Variants in GVQW3 observed in about 807,000 individuals in gnomAD.
The protein encoded by GVQW3 is protein GVQW3.
Under a neutral mutation model 12.5 loss-of-function variants are expected in GVQW3, and 7 were observed. The observed-to-expected ratio is 0.56, with a 90% CI of 0.32 to 1.05. GVQW3 has a LOEUF of 1.05. GVQW3 is among the 50% of genes least tolerant of loss of function. The pLI is 0.04. For synonymous variants in GVQW3, 71 were observed against 67.2 expected, an observed-to-expected ratio of 1.06 and a Z score of -0.28; for missense variants, 188 against 190.8, an observed-to-expected ratio of 0.99 and a Z score of 0.09.
downstream of GVQW3, chr11:76,411,180 A>G (rs1003536290): frequency 1.3e-5 from 2 of 152,296 alleles, no homozygotes; most frequent in African/African-American, 4.8e-5. Context: ...GACATGACTA[A>G]TGAGGCTCCG....
downstream of GVQW3, chr11:76,412,191 C>T (rs1947084284): frequency 6.6e-6 from 1 of 152,162 alleles, no homozygotes; most frequent in African/African-American, 2.4e-5. Context: ...TTCTTGGCCA[C>T]CTTGAGAAGC....
At position 76,406,526 on chromosome 11, in the gene GVQW3, T is replaced by G. The variant is rs1227047675; in HGVS notation, c.*2768T>G. 2 of 152,248 alleles carry G rather than the reference T, an allele frequency of 1.3e-5. No homozygotes were observed. Among genetic ancestry groups the G allele is most frequent in the Non-Finnish European group, 2.9e-5 (2 of 68,044 alleles). The allele number at this position is 152,248 out of a possible 1,614,324, so 9.4% of individuals were successfully genotyped here. On this transcript the variant is annotated 3_prime_UTR_variant, in exon 2 of 2. Transcript: ENST00000529331. ...TTACTGTAATATTGCACCTCATTTC[T>G]GACCCCAAACCCAGCTGCAGCTTCT...
Position 76,387,434 on chromosome 11 carries a change from A to AG in GVQW3, c.465+5142dup, listed in dbSNP as rs546337288. Among the ~76,000 whole-genome samples, 208 of 152,314 alleles carry AG rather than the reference A, an allele frequency of 1.4e-3. 1 individual carries two copies. The highest frequency in any genetic ancestry group is 3.5e-3 in the South Asian group (17 of 4,822). On this transcript the variant is annotated intron_variant, in intron 1 of 1. Coordinates refer to ENST00000529331, the MANE Select transcript of GVQW3 (RefSeq NM_001347885.2). ...CAGAGGGAGACTCCATCTCAAAAAA[A>AG]GAAAGTTAGACATTCTTAGCTTTTA... is the stretch of plus-strand genomic sequence containing the variant.
At chr11:76,402,151 C>T (rs1946995701) in intron 1 of GVQW3, among the ~76,000 whole-genome samples, 1 of 152,210 alleles carries the variant, frequency 6.6e-6, no homozygotes, top group Non-Finnish European at 1.5e-5. Context: ...TCTGAGGTCC[C>T]TGTGTGTTGC....
chr11:76,414,269 C>G (rs1403196138), exon 2 of GVQW3: 1 of 152,126 alleles, frequency 6.6e-6, no homozygotes, highest in Non-Finnish European at 1.5e-5. Context: ...AGAGCTCAAC[C>G]TTTGTGGAAC....
At chr11:76,411,085 T>C (rs1397753899), downstream of GVQW3, 1 of 152,276 alleles carries the variant, frequency 6.6e-6, no homozygotes, top group Non-Finnish European at 1.5e-5. Context: ...CATACAGTAG[T>C]TCCTCAGCTG....
At chr11:76,393,641 C>T (rs1232194266) in intron 1 of GVQW3, among the ~76,000 whole-genome samples, 1 of 152,080 alleles carries the variant, frequency 6.6e-6, no homozygotes, top group African/African-American at 2.4e-5. Flanking sequence ...CTGTTCTCCC[C>T]CACCACCCAC....
At chr11:76,395,745 T>A (rs1946932814) in intron 1 of GVQW3, among the ~76,000 whole-genome samples, 1 of 152,266 alleles carries the variant, frequency 6.6e-6, no homozygotes, top group Admixed American at 6.5e-5. Context: ...TTTCTTTAGG[T>A]TATTGATCAC....
chr11:76,406,557 C>G lies in GVQW3; in HGVS notation c.*2799C>G, dbSNP rs1448809893. ...CAAACCCAGCTGCAGCTTCTCATCT[C>G]ACGAATTTCAAGTGACTTTTGACTA... On this transcript the variant is annotated 3_prime_UTR_variant, in exon 2 of 2. Transcript: ENST00000529331. 1 of 152,222 alleles carries G rather than the reference C, an allele frequency of 6.6e-6. No homozygotes were observed. The highest frequency in any genetic ancestry group is 1.5e-5 in the Non-Finnish European group (1 of 68,040). The allele number at this position is 152,222 out of a possible 1,614,324, so 9.4% of individuals were successfully genotyped here. A position where few individuals can be genotyped will look rare whatever the true frequency, so the allele number is the denominator to read the frequency against.
Position 76,406,006 on chromosome 11 carries a change from T to A in GVQW3, c.*2248T>A, listed in dbSNP as rs1947035965. On this transcript the variant is annotated 3_prime_UTR_variant, in exon 2 of 2. Coordinates refer to ENST00000529331, the MANE Select transcript of GVQW3 (RefSeq NM_001347885.2). ...ACTTTTTTTTGAGACAGGCTCTCCC[T>A]ATGTCACCGAGGCTACAGTGCAGTG... The A allele has an allele frequency of 6.6e-6, 1 of 151,372 alleles. No individual in the cohort carries two copies. Among genetic ancestry groups the A allele is most frequent in the Non-Finnish European group, 1.5e-5 (1 of 67,924 alleles). The allele number at this position is 151,372 out of a possible 1,614,324, so 9.4% of individuals were successfully genotyped here.
chr11:76,410,418 GA>G (rs920245086), downstream of GVQW3, among the ~76,000 whole-genome samples: 26 of 136,558 alleles, frequency 1.9e-4, no homozygotes, highest in Non-Finnish European at 3.2e-5. Context: ...ATTTTCCTGG[GA>G]AAAGGGTCTG....
chr11:76,411,876 TGTAA>T (rs1280897316), downstream of GVQW3: 1 of 152,222 alleles, frequency 6.6e-6, no homozygotes, highest in Non-Finnish European at 1.5e-5. Flanking sequence ...GGTGTGAAAG[TGTAA>T]GTAAGAGCCT....
rs1383208401 is a variant in GVQW3, at chr11:76,407,725, A to G, written c.*3967A>G. ...AGCCATTCATTGCAGACTTATTTGT[A>G]AAAGTAGTAAAAAGAAGGAAATAAC... On this transcript the variant is annotated 3_prime_UTR_variant, in exon 2 of 2. Transcript: ENST00000529331. 6.6e-6 allele frequency: 1 copy of G among 152,188 alleles called. No homozygotes were observed. Among genetic ancestry groups the G allele is most frequent in the Middle Eastern group, 3.2e-3 (1 of 316 alleles). 9.4% of individuals were successfully genotyped at this position (152,188 alleles called of 1,614,324 possible).
rs139705885 is a variant in GVQW3 at position 76,381,511 on chromosome 11, C to A, written c.-318C>A. Reference sequence around the variant, plus strand: ...GAATTCGCCATATACTCCTTAAGGGCCGCGGAATCGGAGCGACCTTGGTGA... The same window carrying A: ...GAATTCGCCATATACTCCTTAAGGGACGCGGAATCGGAGCGACCTTGGTGA... On this transcript the variant is annotated 5_prime_UTR_variant, in exon 1 of 2. Transcript: ENST00000529331. 1.6e-4 allele frequency: 44 copies of A among 275,838 alleles called. No individual in the cohort carries two copies. The East Asian group carries it at 3.0e-3, about 19-fold the overall frequency. The allele number at this position is 275,838 out of a possible 1,614,324, so 17.1% of individuals were successfully genotyped here.
chr11:76,386,158 T>G (rs1946831525), intron 1 of GVQW3, among the ~76,000 whole-genome samples: 1 of 152,232 alleles, frequency 6.6e-6, no homozygotes, highest in Non-Finnish European at 1.5e-5. Context: ...ATGCCACAGC[T>G]GAGCGTCTAA....
At chr11:76,390,076 T>C (rs987324215) in intron 1 of GVQW3, 4 of 152,334 alleles carry the variant, frequency 2.6e-5, no homozygotes, top group Middle Eastern at 6.8e-3. Flanking sequence ...ATTGTTATGT[T>C]GGGAAAATGT....
chr11:76,381,522 G>C lies in GVQW3; in HGVS notation c.-307G>C, dbSNP rs994799387. On this transcript the variant is annotated 5_prime_UTR_variant, in exon 1 of 2. Transcript: ENST00000529331. Reference sequence around the variant, plus strand: ...ATACTCCTTAAGGGCCGCGGAATCGGAGCGACCTTGGTGACTGGCAAACTC... The same window carrying C: ...ATACTCCTTAAGGGCCGCGGAATCGCAGCGACCTTGGTGACTGGCAAACTC... 1 of 297,414 alleles carries C rather than the reference G, an allele frequency of 3.4e-6. No homozygotes were observed. Among genetic ancestry groups the C allele is most frequent in the African/African-American group, 2.2e-5 (1 of 46,238 alleles). 18.4% of individuals were successfully genotyped at this position (297,414 alleles called of 1,614,324 possible).
At chr11:76,389,550 A>G (rs1946871183) in intron 1 of GVQW3, 1 of 152,226 alleles carries the variant, frequency 6.6e-6, no homozygotes, top group Admixed American at 6.5e-5. Flanking sequence ...AAAAAAACAC[A>G]AAGTGTTAAG....
At chr11:76,391,069 A>G (rs1946887473) in intron 1 of GVQW3, among the ~76,000 whole-genome samples, 1 of 152,198 alleles carries the variant, frequency 6.6e-6, no homozygotes. Flanking sequence ...CAGCTCCGGA[A>G]TTACCCTACA....
Sources: allele counts gnomAD v4.1 joint callset (sites outside exome capture counted in the v4.1 genomes callset), GRCh38; gene constraint gnomAD v4.1.1; transcripts MANE v1.5; gene names NCBI Gene and HGNC (gene_info 2026-07-23, HGNC 2026-07-21).